Variants in LINGO2 observed in about 807,000 individuals in gnomAD.
LINGO2 encodes the protein leucine rich repeat and Ig domain containing 2, also known as leucine-rich repeat and immunoglobulin-like domain-containing nogo receptor-interacting protein 2.
Under a neutral mutation model 30.6 loss-of-function variants are expected in LINGO2, and 14 were observed. The ratio of observed to expected loss-of-function variants is 0.46; its 90% CI spans 0.30 to 0.72. The LOEUF is 0.72. Ranked by LOEUF, LINGO2 falls within the 30% of genes least tolerant of loss-of-function variation. The pLI, the probability that LINGO2 is intolerant of heterozygous loss-of-function variation, is 0.07. For synonymous variants in LINGO2, 317 were observed against 288.5 expected (o/e 1.10, Z -1.00); for missense variants, 729 against 751.7 (o/e 0.97, Z 0.35).
the LINGO2 span, among the ~76,000 whole-genome samples, chr9:28,718,209 G>C: frequency 0.025 from 3,828 of 151,718 alleles, 156 homozygotes; most frequent in African/African-American, 0.087. Context: ...TGAGACTTTA[G>C]GTTTAATACC....
At chr9:28,348,578 G>A (rs564860961) in intron 3 of LINGO2, among the ~76,000 whole-genome samples, 46 of 152,280 alleles carry the variant, frequency 3.0e-4, no homozygotes, top group African/African-American at 8.2e-4. Context: ...GGGGAGGGGC[G>A]CCCACCATTG....
intron 4 of LINGO2, among the ~76,000 whole-genome samples, chr9:28,025,501 C>T (rs190862189): frequency 6.6e-6 from 1 of 152,244 alleles, no homozygotes; most frequent in Admixed American, 6.5e-5. Flanking sequence ...TCATGAGAGG[C>T]CTGTATTTAA....
the LINGO2 span, among the ~76,000 whole-genome samples, chr9:28,837,642 C>T: frequency 5.7e-5 from 3 of 52,692 alleles, 1 homozygote; most frequent in Non-Finnish European, 1.2e-4. Flanking sequence ...AGCAAAACTC[C>T]GTCTAAAATA....
the LINGO2 span, among the ~76,000 whole-genome samples, chr9:28,797,144 A>C: frequency 6.6e-6 from 1 of 151,502 alleles, no homozygotes; most frequent in Non-Finnish European, 1.5e-5. Context: ...GCTTGAATAA[A>C]CGATGAACTG....
At chr9:28,596,992 T>C (rs1447790140) in intron 1 of LINGO2, among the ~76,000 whole-genome samples, 1 of 152,180 alleles carries the variant, frequency 6.6e-6, no homozygotes, top group African/African-American at 2.4e-5. Flanking sequence ...CGTCTATCTA[T>C]ACTGGCAAGA....
chr9:28,885,360 T>TATACACACAC, the LINGO2 span, among the ~76,000 whole-genome samples: 1 of 144,140 alleles, frequency 6.9e-6, no homozygotes, highest in Non-Finnish European at 1.5e-5. Context: ...TATATATATA[T>TATACACACAC]ACACACACAC....
At chr9:28,407,490 C>T (rs1021511188) in intron 2 of LINGO2, among the ~76,000 whole-genome samples, 2 of 152,120 alleles carry the variant, frequency 1.3e-5, no homozygotes, top group Non-Finnish European at 2.9e-5. Context: ...TTTCTCAGCT[C>T]ACCTAAGTCC....
chr9:28,689,136 TA>T, the LINGO2 span, among the ~76,000 whole-genome samples: 1 of 152,180 alleles, frequency 6.6e-6, no homozygotes, highest in Non-Finnish European at 1.5e-5. Flanking sequence ...ACAGATGAAG[TA>T]AGTGGCCCTA....
chr9:28,577,740 C>T (rs941975446), intron 1 of LINGO2, among the ~76,000 whole-genome samples: 15 of 152,212 alleles, frequency 9.9e-5, no homozygotes, highest in African/African-American at 2.9e-4. Flanking sequence ...AAAATAGGTG[C>T]AATACGCATT....
chr9:29,024,577 T>C, the LINGO2 span, among the ~76,000 whole-genome samples: 1 of 152,148 alleles, frequency 6.6e-6, no homozygotes, highest in Admixed American at 6.6e-5. Context: ...TGATTATCAC[T>C]AAACAACCAG....
At position 28,268,807 on chromosome 9, in the gene LINGO2, C is replaced by T. The variant is rs542692787; in HGVS notation, c.-87+26401G>A. ...ACAATGTCTTTATTAGACAGTACAC[C>T]GCAGTATTTGGAAAAGCAATTAGTA... On this transcript the variant is annotated intron_variant, in intron 4 of 5. Coordinates refer to ENST00000379992, the Ensembl canonical transcript of LINGO2. Among the ~76,000 whole-genome samples the T allele has an allele frequency of 7.9e-5, 12 of 152,106 alleles. No individual in the cohort carries two copies. In the South Asian group the frequency reaches 1.7e-3, roughly 21 times the overall value.
chr9:28,394,860 C>T (rs945761037), intron 2 of LINGO2, among the ~76,000 whole-genome samples: 2 of 152,172 alleles, frequency 1.3e-5, no homozygotes, highest in African/African-American at 4.8e-5. Flanking sequence ...GAATTCCCAG[C>T]CCCAAACTGT....
At chr9:28,198,260 AC>A (rs945978320) in intron 4 of LINGO2, among the ~76,000 whole-genome samples, 3 of 151,370 alleles carry the variant, frequency 2.0e-5, no homozygotes, top group Admixed American at 2.0e-4. Flanking sequence ...AAAAAAAAAA[AC>A]AAACTCTAAA....
the LINGO2 span, among the ~76,000 whole-genome samples, chr9:28,994,800 A>G: frequency 4.6e-5 from 7 of 152,246 alleles, no homozygotes; most frequent in African/African-American, 1.4e-4. Flanking sequence ...TGGTCCTGGG[A>G]AAACTGGCTA....
intron 2 of LINGO2, among the ~76,000 whole-genome samples, chr9:28,421,145 C>T (rs891220897): frequency 3.3e-5 from 5 of 151,530 alleles, no homozygotes; most frequent in Non-Finnish European, 4.4e-5. Context: ...ACAAAATTAA[C>T]ACAGTTGCAT....
the LINGO2 span, among the ~76,000 whole-genome samples, chr9:29,061,193 G>T: frequency 6.6e-6 from 1 of 151,968 alleles, no homozygotes; most frequent in Admixed American, 6.6e-5. Flanking sequence ...GTTGATACAT[G>T]CAGCAGCATG....
chr9:28,053,756 A>G (rs1023248698), intron 4 of LINGO2, among the ~76,000 whole-genome samples: 8 of 152,222 alleles, frequency 5.3e-5, no homozygotes, highest in East Asian at 1.9e-4. Context: ...GTAATTTTTA[A>G]AAGAACGTAA....
the LINGO2 span, among the ~76,000 whole-genome samples, chr9:28,933,862 A>G: frequency 6.6e-6 from 1 of 152,238 alleles, no homozygotes; most frequent in African/African-American, 2.4e-5. Context: ...ATTTTCTCTT[A>G]TAAAAACTTT....
the LINGO2 span, among the ~76,000 whole-genome samples, chr9:29,110,828 C>G: frequency 6.6e-6 from 1 of 151,758 alleles, no homozygotes; most frequent in Non-Finnish European, 1.5e-5. Context: ...GTAGTTGGGA[C>G]TACAGGCGCT....
Sources: allele counts gnomAD v4.1 joint callset (sites outside exome capture counted in the v4.1 genomes callset), GRCh38; gene constraint gnomAD v4.1.1; transcripts MANE v1.5; gene names NCBI Gene and HGNC (gene_info 2026-07-23, HGNC 2026-07-21).